FMN1: variants seen among roughly 807,000 people sequenced by gnomAD.
FMN1 encodes formin 1, also known as formin-1.
A neutral mutation model predicts 132.4 loss-of-function variants in FMN1; 110 were observed. The ratio of observed to expected loss-of-function variants is 0.83; its 90% CI spans 0.71 to 0.97. The LOEUF (loss-of-function observed/expected upper bound fraction) is 0.97, where lower values mean the gene tolerates loss of function less well. FMN1 is among the 50% of genes least tolerant of loss of function. The pLI, the probability that FMN1 is intolerant of heterozygous loss-of-function variation, is 0.00. For missense variants in FMN1, 1,792 were observed against 1,705.3 expected, an observed-to-expected ratio of 1.05 and a Z score of -0.90; for synonymous variants, 722 against 651.7, an observed-to-expected ratio of 1.11 and a Z score of -1.64.
intron 9 of FMN1, among the ~76,000 whole-genome samples, chr15:32,936,509 T>C (rs922481172): frequency 6.6e-6 from 1 of 152,216 alleles, no homozygotes; most frequent in African/African-American, 2.4e-5. Context: ...AGTGTCTGTC[T>C]ATGGTACTGC....
intron 19 of FMN1, among the ~76,000 whole-genome samples, chr15:32,795,833 T>TA (rs2057271852): frequency 6.6e-6 from 1 of 152,138 alleles, no homozygotes; most frequent in Non-Finnish European, 1.5e-5. Context: ...CTCTTTTGCT[T>TA]AAGATTGGCT....
intron 6 of FMN1, among the ~76,000 whole-genome samples, chr15:33,044,292 T>C (rs188769439): frequency 1.3e-5 from 2 of 152,026 alleles, no homozygotes; most frequent in African/African-American, 4.8e-5. Context: ...TGAAAAGGGG[T>C]AGGTCCCTAG....
At chr15:32,861,550 T>C (rs937191252) in intron 16 of FMN1, among the ~76,000 whole-genome samples, 3 of 152,218 alleles carry the variant, frequency 2.0e-5, no homozygotes, top group Non-Finnish European at 4.4e-5. Flanking sequence ...AGATAATACA[T>C]ACATAGTGAT....
intron 8 of FMN1, among the ~76,000 whole-genome samples, chr15:32,967,049 G>A (rs79773860): frequency 0.049 from 7,489 of 152,268 alleles, 222 homozygotes; most frequent in Middle Eastern, 0.088. Flanking sequence ...GTTCAAATGC[G>A]CACCAAGCAG....
intron 4 of FMN1, among the ~76,000 whole-genome samples, chr15:33,127,810 T>A (rs542642221): frequency 6.6e-6 from 1 of 152,178 alleles, no homozygotes; most frequent in Non-Finnish European, 1.5e-5. Context: ...ACATCCAAGA[T>A]CTCATTCCTC....
chr15:32,964,851 T>C (rs991452009), intron 8 of FMN1, among the ~76,000 whole-genome samples: 1 of 152,264 alleles, frequency 6.6e-6, no homozygotes, highest in African/African-American at 2.4e-5. Context: ...TAAACAATAC[T>C]AACAACAAAA....
chr15:32,800,435 T>C (rs1351044011), intron 18 of FMN1, among the ~76,000 whole-genome samples: 1 of 152,206 alleles, frequency 6.6e-6, no homozygotes, highest in Non-Finnish European at 1.5e-5. Context: ...GCCCCAGACA[T>C]AACCCTTATT....
At chr15:33,119,002 A>T (rs982645853) in intron 4 of FMN1, among the ~76,000 whole-genome samples, 1 of 152,200 alleles carries the variant, frequency 6.6e-6, no homozygotes, top group Non-Finnish European at 1.5e-5. Flanking sequence ...GGTATAATTT[A>T]AAAAATTGGA....
intron 4 of FMN1, among the ~76,000 whole-genome samples, chr15:33,109,538 G>C (rs1447719877): frequency 6.6e-6 from 1 of 151,996 alleles, no homozygotes; most frequent in Non-Finnish European, 1.5e-5. Context: ...TGTCTTTTGT[G>C]GGAACATGGA....
At chr15:32,779,003 TAC>T (rs1482602529) in intron 19 of FMN1, among the ~76,000 whole-genome samples, 1 of 152,166 alleles carries the variant, frequency 6.6e-6, no homozygotes, top group Non-Finnish European at 1.5e-5. Context: ...AATTTGCTGA[TAC>T]ATGCTACAAC....
chr15:32,786,266 A>T (rs2140918484), intron 19 of FMN1, among the ~76,000 whole-genome samples: 1 of 152,328 alleles, frequency 6.6e-6, no homozygotes, highest in Non-Finnish European at 1.5e-5. Context: ...CATTTTTACC[A>T]CTGGCTCAGT....
intron 5 of FMN1, among the ~76,000 whole-genome samples, chr15:33,070,386 C>CT (rs34096484): frequency 0.094 from 12,611 of 134,236 alleles, 699 homozygotes; most frequent in Non-Finnish European, 0.13. Flanking sequence ...CGTATTTGGT[C>CT]TTTTTTTTTT....
chr15:33,058,935 G>C (rs1184296364), intron 6 of FMN1, among the ~76,000 whole-genome samples: 2 of 152,078 alleles, frequency 1.3e-5, no homozygotes, highest in African/African-American at 4.8e-5. Context: ...TTGAAATACA[G>C]AATACATTAT....
intron 3 of FMN1, among the ~76,000 whole-genome samples, chr15:33,155,982 C>T (rs2140290107): frequency 6.6e-6 from 1 of 152,336 alleles, no homozygotes; most frequent in African/African-American, 2.4e-5. Flanking sequence ...CGCCCACACC[C>T]TGGGAATGAT....
At chr15:32,796,149 C>A (rs2057283692) in intron 19 of FMN1, among the ~76,000 whole-genome samples, 2 of 152,196 alleles carry the variant, frequency 1.3e-5, no homozygotes, top group African/African-American at 4.8e-5. Flanking sequence ...AATGTGTACT[C>A]ATGAAAACTA....
At chr15:33,161,714 C>G (rs562722174) in intron 3 of FMN1, among the ~76,000 whole-genome samples, 2 of 152,092 alleles carry the variant, frequency 1.3e-5, no homozygotes, top group East Asian at 1.9e-4. Context: ...GTCAGGAGAT[C>G]GAGACCACCC....
At chr15:33,013,559 T>G (rs2034860858) in intron 6 of FMN1, among the ~76,000 whole-genome samples, 1 of 152,188 alleles carries the variant, frequency 6.6e-6, no homozygotes, top group South Asian at 2.1e-4. Flanking sequence ...ATTGGATATT[T>G]TTTACGAAAT....
chr15:32,902,983 T>G (rs1437977556), intron 12 of FMN1, among the ~76,000 whole-genome samples: 1 of 152,238 alleles, frequency 6.6e-6, no homozygotes, highest in African/African-American at 2.4e-5. Flanking sequence ...CAAGGAATTT[T>G]GCCATCTCTC....
chr15:33,190,316 T>C (rs190529886), intron 2 of FMN1, among the ~76,000 whole-genome samples: 95 of 152,316 alleles, frequency 6.2e-4, no homozygotes, highest in Non-Finnish European at 1.0e-3. Flanking sequence ...CAGTCACCTG[T>C]GTGCTGCTCA....
Sources: allele counts gnomAD v4.1 joint callset (sites outside exome capture counted in the v4.1 genomes callset), GRCh38; gene constraint gnomAD v4.1.1; transcripts MANE v1.5; gene names NCBI Gene and HGNC (gene_info 2026-07-23, HGNC 2026-07-21).